FHIT: variants seen among roughly 807,000 people sequenced by gnomAD.
FHIT encodes bis(5'-adenosyl)-triphosphatase.
Under a neutral mutation model 17.9 loss-of-function variants are expected in FHIT, and 19 were observed. The observed-to-expected ratio is 1.06, with a 90% CI of 0.74 to 1.56. The LOEUF (loss-of-function observed/expected upper bound fraction) is 1.56, where lower values mean the gene tolerates loss of function less well. Among genes scored for constraint, FHIT ranks in the 40% most tolerant of loss-of-function variants. FHIT has a pLI of 0.00. For synonymous variants in FHIT, 81 were observed against 69.7 expected (o/e 1.16, Z -0.81); for missense variants, 248 against 189.2 (o/e 1.31, Z -1.82).
chr3:60,563,971 T>C (rs1369053307), intron 4 of FHIT, among the ~76,000 whole-genome samples: 3 of 152,216 alleles, frequency 2.0e-5, no homozygotes, highest in South Asian at 2.1e-4. Flanking sequence ...CAGCCTTCTA[T>C]TGGAAGGCGA....
chr3:60,205,126 T>A (rs1703113613), intron 5 of FHIT, among the ~76,000 whole-genome samples: 1 of 151,820 alleles, frequency 6.6e-6, no homozygotes, highest in East Asian at 1.9e-4. Context: ...GAGCTTTTTG[T>A]ACAGTGATAA....
At chr3:60,974,902 C>T (rs73102207) in intron 3 of FHIT, among the ~76,000 whole-genome samples, 7,114 of 152,210 alleles carry the variant, frequency 0.047, 214 homozygotes, top group Non-Finnish European at 0.067. Flanking sequence ...CATTTTTCAC[C>T]TATTCCTCAC....
intron 5 of FHIT, among the ~76,000 whole-genome samples, chr3:60,019,891 A>T (rs927899820): frequency 6.6e-6 from 1 of 152,232 alleles, no homozygotes; most frequent in Non-Finnish European, 1.5e-5. Flanking sequence ...TGAGATGGCA[A>T]AACATTGCAC....
intron 3 of FHIT, among the ~76,000 whole-genome samples, chr3:60,860,119 A>ATG (rs1553750996): frequency 1.4e-5 from 2 of 144,710 alleles, no homozygotes; most frequent in African/African-American, 5.2e-5. Context: ...TATGATATAT[A>ATG]AATGATATAT....
At chr3:61,153,292 A>G (rs1412398067) in intron 2 of FHIT, among the ~76,000 whole-genome samples, 1 of 152,238 alleles carries the variant, frequency 6.6e-6, no homozygotes, top group African/African-American at 2.4e-5. Flanking sequence ...AGCTTGGCTG[A>G]TAACATGAAG....
chr3:60,402,172 A>G (rs1559885141), intron 5 of FHIT, among the ~76,000 whole-genome samples: 1 of 152,208 alleles, frequency 6.6e-6, no homozygotes, highest in African/African-American at 2.4e-5. Context: ...AATCTCATAG[A>G]CACTCACATC....
intron 5 of FHIT, among the ~76,000 whole-genome samples, chr3:60,135,865 A>G (rs1338361977): frequency 2.0e-5 from 3 of 152,008 alleles, no homozygotes; most frequent in Non-Finnish European, 2.9e-5. Context: ...TGTTTCCTAC[A>G]TTTTCTTATC....
intron 3 of FHIT, among the ~76,000 whole-genome samples, chr3:60,928,333 A>G (rs1422043327): frequency 6.6e-5 from 10 of 151,226 alleles, no homozygotes; most frequent in Admixed American, 2.0e-4. Flanking sequence ...AAAAAAAAAA[A>G]AGAAAAGTTC....
intron 5 of FHIT, among the ~76,000 whole-genome samples, chr3:60,305,802 T>A (rs1708644798): frequency 6.6e-6 from 1 of 152,140 alleles, no homozygotes; most frequent in Non-Finnish European, 1.5e-5. Flanking sequence ...TCATGCTAAA[T>A]GGATACTTAG....
chr3:59,803,340 C>T (rs891075930), intron 8 of FHIT, among the ~76,000 whole-genome samples: 2 of 152,168 alleles, frequency 1.3e-5, no homozygotes, highest in Non-Finnish European at 2.9e-5. Context: ...AGCACGGGGC[C>T]AGCGAAGGAT....
chr3:60,746,961 G>A (rs937798733), intron 4 of FHIT, among the ~76,000 whole-genome samples: 7 of 152,112 alleles, frequency 4.6e-5, no homozygotes, highest in African/African-American at 1.4e-4. Context: ...AGCTAGACAT[G>A]CATTTATTGA....
intron 3 of FHIT, among the ~76,000 whole-genome samples, chr3:60,993,331 A>G (rs1034848587): frequency 1.3e-5 from 2 of 152,208 alleles, no homozygotes; most frequent in East Asian, 1.9e-4. Context: ...ACAAGCTTTC[A>G]TTCCGGATTC....
intron 4 of FHIT, among the ~76,000 whole-genome samples, chr3:60,623,828 C>G (rs1553679729): frequency 1.3e-5 from 2 of 152,208 alleles, no homozygotes; most frequent in Non-Finnish European, 2.9e-5. Context: ...GGTCTTTAAA[C>G]TTGCCTGAAG....
chr3:60,700,152 A>G (rs1372000372), intron 4 of FHIT, among the ~76,000 whole-genome samples: 2 of 150,642 alleles, frequency 1.3e-5, no homozygotes, highest in Non-Finnish European at 3.0e-5. Flanking sequence ...AAAAATACAC[A>G]GGTATGTATG....
At chr3:60,410,070 A>G (rs180904875) in intron 5 of FHIT, among the ~76,000 whole-genome samples, 1 of 152,342 alleles carries the variant, frequency 6.6e-6, no homozygotes, top group Admixed American at 6.5e-5. Context: ...ATACAGGATA[A>G]TTCAGAATAC....
intron 3 of FHIT, among the ~76,000 whole-genome samples, chr3:60,834,784 G>C (rs1337442226): frequency 6.6e-6 from 1 of 151,156 alleles, no homozygotes; most frequent in East Asian, 1.9e-4. Flanking sequence ...AGAATTGCTT[G>C]AACCTGGGAG....
intron 5 of FHIT, among the ~76,000 whole-genome samples, chr3:60,130,984 C>CTGTGT (rs1699547085): frequency 2.2e-5 from 2 of 90,086 alleles, no homozygotes; most frequent in Non-Finnish European, 5.2e-5. Context: ...TATATATACA[C>CTGTGT]ATATATACAC....
chr3:61,203,798 A>G (rs1268816088), intron 1 of FHIT, among the ~76,000 whole-genome samples: 4 of 152,260 alleles, frequency 2.6e-5, no homozygotes, highest in Admixed American at 2.6e-4. Context: ...TATGCACTAA[A>G]ACTACTGATT....
chr3:60,158,678 C>T (rs763449229), intron 5 of FHIT, among the ~76,000 whole-genome samples: 1 of 152,136 alleles, frequency 6.6e-6, no homozygotes, highest in African/African-American at 2.4e-5. Context: ...CAAACATCCC[C>T]GTCCATTAGC....
Sources: allele counts gnomAD v4.1 joint callset (sites outside exome capture counted in the v4.1 genomes callset), GRCh38; gene constraint gnomAD v4.1.1; transcripts MANE v1.5; gene names NCBI Gene and HGNC (gene_info 2026-07-23, HGNC 2026-07-21).